The following UBE2L3 variants were observed in gnomAD, a reference collection of about 807,000 sequenced individuals.
UBE2L3 encodes the protein ubiquitin-conjugating enzyme E2 L3.
In UBE2L3, 1 loss-of-function variant was observed where a neutral mutation model predicts 17.8. The ratio of observed to expected loss-of-function variants is 0.06; its 90% CI spans 0.02 to 0.27. UBE2L3 has a LOEUF of 0.27. UBE2L3 is among the 10% of genes least tolerant of loss of function. The probability of loss-of-function intolerance (pLI) is 1.00; values close to 1 mark genes in which losing one functional copy is unlikely to be tolerated. For missense variants in UBE2L3, 40 were observed against 192.6 expected, an observed-to-expected ratio of 0.21 and a Z score of 4.69; for synonymous variants, 44 against 68.5, an observed-to-expected ratio of 0.64 and a Z score of 1.76.
intron 1 of UBE2L3, among the ~76,000 whole-genome samples, chr22:21,570,931 A>C (rs1926930216): frequency 6.6e-6 from 1 of 152,220 alleles, no homozygotes; most frequent in Non-Finnish European, 1.5e-5. Context: ...TTCCACAGCA[A>C]AGATTTCTTT....
chr22:21,556,970 C>T (rs1926252978), intron 1 of UBE2L3, among the ~76,000 whole-genome samples: 1 of 152,220 alleles, frequency 6.6e-6, no homozygotes, highest in South Asian at 2.1e-4. Flanking sequence ...AGGAGAATTG[C>T]TTGAACTCAG....
At chr22:21,561,443 A>T (rs1926427231) in intron 1 of UBE2L3, among the ~76,000 whole-genome samples, 1 of 152,302 alleles carries the variant, frequency 6.6e-6, no homozygotes, top group African/African-American at 2.4e-5. Flanking sequence ...TTAGCCAGGC[A>T]TGGAGGTGTG....
chr22:21,593,452 T>A (rs555420374), intron 2 of UBE2L3, among the ~76,000 whole-genome samples: 1 of 152,174 alleles, frequency 6.6e-6, no homozygotes, highest in South Asian at 2.1e-4. Context: ...GCCCACATGT[T>A]CCCCTCACCC....
chr22:21,614,612 ACCT>A (rs1162995996), intron 3 of UBE2L3: 13 of 1,367,278 alleles, frequency 9.5e-6, no homozygotes, highest in Non-Finnish European at 1.3e-5. Flanking sequence ...AAGTTCTTTG[ACCT>A]CCTCAATTCA....
rs188936476 is a variant in UBE2L3, at chr22:21,616,583, C to T, written c.311-4932C>T. Among the ~76,000 whole-genome samples the T allele has an allele frequency of 4.5e-3, 677 of 150,042 alleles. 2 individuals are homozygous for T. The highest frequency in any genetic ancestry group is 5.9e-3 in the Non-Finnish European group (402 of 67,698). On this transcript the variant is annotated intron_variant, in intron 3 of 3. Coordinates refer to ENST00000342192, the MANE Select transcript of UBE2L3 (RefSeq NM_003347.4). ...AGGAGAATCACTTGAACCCGAGAGGCGGAGGTTGCAGTGAGCTGAGATCAC... is the reference window on the plus strand; with the variant it reads ...AGGAGAATCACTTGAACCCGAGAGGTGGAGGTTGCAGTGAGCTGAGATCAC...
intron 2 of UBE2L3, among the ~76,000 whole-genome samples, chr22:21,600,141 G>T (rs1256804434): frequency 6.7e-6 from 1 of 149,990 alleles, no homozygotes; most frequent in African/African-American, 2.5e-5. Context: ...GCAAAACCCC[G>T]TCTCTACTAA....
At chr22:21,575,220 C>T (rs1396138040) in intron 1 of UBE2L3, among the ~76,000 whole-genome samples, 18 of 143,126 alleles carry the variant, frequency 1.3e-4, no homozygotes, top group Non-Finnish European at 1.8e-4. Flanking sequence ...GATCATGCCA[C>T]TGCACTCTGG....
upstream of UBE2L3, chr22:21,567,577 T>C (rs1926692526): frequency 1.4e-6 from 2 of 1,442,158 alleles, no homozygotes; most frequent in Non-Finnish European, 1.8e-6. Flanking sequence ...TGCGGTTCAC[T>C]TGCGTTCCTC....
Position 21,622,895 on chromosome 22 carries a change from G to C in UBE2L3, c.*1226G>C, listed in dbSNP as rs150998267. The C allele has an allele frequency of 3.5e-3, 541 of 152,836 alleles. 9 individuals are homozygous for C. Among genetic ancestry groups the C allele is most frequent in the Non-Finnish European group, 3.0e-3 (207 of 68,020 alleles). 9.5% of individuals were successfully genotyped at this position (152,836 alleles called of 1,614,324 possible). A position where few individuals can be genotyped will look rare whatever the true frequency, so the allele number is the denominator to read the frequency against. ...CAATGTGTTTTATATTGTTTTGACT[G>C]CCTTTTTTTGTAGAAATAAAAATTG... On this transcript the variant is annotated 3_prime_UTR_variant, in exon 4 of 4. Transcript: ENST00000342192.
At chr22:21,619,103 A>C (rs1285704242) in intron 3 of UBE2L3, among the ~76,000 whole-genome samples, 3 of 152,202 alleles carry the variant, frequency 2.0e-5, no homozygotes, top group Non-Finnish European at 4.4e-5. Flanking sequence ...TTGTGCTCTT[A>C]GGCGACTGTG....
At chr22:21,600,347 C>T (rs1287879792) in intron 2 of UBE2L3, among the ~76,000 whole-genome samples, 1 of 151,908 alleles carries the variant, frequency 6.6e-6, no homozygotes, top group Non-Finnish European at 1.5e-5. Context: ...AACAAAAAAA[C>T]TTATTCCTAC....
chr22:21,608,741 A>ATTTTTTTTTTT (rs779049247), intron 2 of UBE2L3, among the ~76,000 whole-genome samples: 1 of 109,860 alleles, frequency 9.1e-6, no homozygotes, highest in Non-Finnish European at 1.8e-5. Context: ...AATATATTTA[A>ATTTTTTTTTTT]TTTTTTTTTT....
chr22:21,570,398 C>A (rs969808997), intron 1 of UBE2L3, among the ~76,000 whole-genome samples: 3 of 152,132 alleles, frequency 2.0e-5, no homozygotes, highest in African/African-American at 7.2e-5. Flanking sequence ...GTCATCTTTT[C>A]AACACTCAAA....
chr22:21,617,472 G>A (rs981657193), intron 3 of UBE2L3, among the ~76,000 whole-genome samples: 1 of 152,022 alleles, frequency 6.6e-6, no homozygotes, highest in Non-Finnish European at 1.5e-5. Context: ...TCACCATATT[G>A]CCCAGGCTGG....
chr22:21,582,139 CAAACA>C lies in UBE2L3; in HGVS notation c.28-10718_28-10714del, dbSNP rs1372032683. 9.6e-3 allele frequency among the ~76,000 whole-genome samples: 1,416 copies of C among 147,306 alleles called. 28 individuals are homozygous for C. The highest frequency in any genetic ancestry group is 0.034 in the African/African-American group (1,351 of 40,224). On this transcript the variant is annotated intron_variant, in intron 1 of 3. Coordinates refer to ENST00000342192, the MANE Select transcript of UBE2L3 (RefSeq NM_003347.4). ...CATCTCAAAAAAAAAAACAAAAAAA[CAAACA>C]AAAAAAAAAACAGTTCAGAACAACG...
chr22:21,568,173 G>A, intron 1 of UBE2L3: 1 of 1,004,476 alleles, frequency 1.0e-6, no homozygotes, highest in Non-Finnish European at 1.2e-6. Flanking sequence ...AGCCCGCGCC[G>A]CGGAACCGCC....
Position 21,609,551 on chromosome 22 carries a change from CA to C in UBE2L3, c.124-1299del, listed in dbSNP as rs1929363424. Among the ~76,000 whole-genome samples, 10 of 151,464 alleles carry C rather than the reference CA, an allele frequency of 6.6e-5. 1 individual carries two copies. The East Asian group carries it at 2.0e-3, about 30-fold the overall frequency. On this transcript the variant is annotated intron_variant, in intron 2 of 3. Transcript: ENST00000342192. The stretch of plus-strand genomic sequence containing the variant: ...GCAAAACCCAGTCTCTATAAAAATA[CA>C]AAAAAATTAGCTGGGGGTGGTGGTG...
chr22:21,587,788 C>G (rs1412999193), intron 1 of UBE2L3, among the ~76,000 whole-genome samples: 2 of 152,216 alleles, frequency 1.3e-5, no homozygotes, highest in Non-Finnish European at 2.9e-5. Flanking sequence ...CCATCCCTCT[C>G]TGCCATGCTT....
intron 1 of UBE2L3, among the ~76,000 whole-genome samples, chr22:21,571,731 C>T (rs1015613143): frequency 2.0e-5 from 3 of 152,120 alleles, no homozygotes; most frequent in Non-Finnish European, 2.9e-5. Context: ...TCACTCAGAA[C>T]TTCATATTGT....
Sources: gnomAD v4.1 joint callset for allele counts (sites outside exome capture counted in the v4.1 genomes callset) on GRCh38, gnomAD v4.1.1 for gene constraint, MANE v1.5 for transcripts, NCBI Gene and HGNC (gene_info 2026-07-23, HGNC 2026-07-21) for gene names.